The following C16orf96 variants were observed in gnomAD, a reference collection of about 807,000 sequenced individuals.
C16orf96 encodes the protein uncharacterized protein C16orf96.
Under a neutral mutation model 103.6 loss-of-function variants are expected in C16orf96, and 108 were observed. The ratio of observed to expected loss-of-function variants is 1.04; its 90% CI spans 0.89 to 1.22. C16orf96 has a LOEUF of 1.22. Ranked by LOEUF, C16orf96 falls within the 50% of genes most tolerant of loss-of-function variation. The pLI is 0.00. For synonymous variants in C16orf96, 566 were observed against 593.5 expected, an observed-to-expected ratio of 0.95 and a Z score of 0.67; for missense variants, 1,586 against 1,464.2, an observed-to-expected ratio of 1.08 and a Z score of -1.36.
Position 4,556,439 on chromosome 16 carries a change from T to A in C16orf96, c.-51T>A. On this transcript the variant is annotated 5_prime_UTR_variant, in exon 1 of 16. In the 5' UTR this introduces an upstream ATG that the reference lacks. Transcript: ENST00000444310. ...TCTCGGAACCACTGAAAGCTACCCCTTGTCCTTGAGGACACCTGGAACCCC... is the reference window on the plus strand; with the variant it reads ...TCTCGGAACCACTGAAAGCTACCCCATGTCCTTGAGGACACCTGGAACCCC... The A allele has an allele frequency of 6.8e-7, 1 of 1,471,494 alleles. No individual in the cohort carries two copies. The highest frequency in any genetic ancestry group is 9.1e-7 in the Non-Finnish European group (1 of 1,103,342). The allele number at this position is 1,471,494 out of a possible 1,614,324, so 91.2% of individuals were successfully genotyped here.
At chr16:4,547,514 T>G in the C16orf96 span, among the ~76,000 whole-genome samples, 4 of 152,082 alleles carry the variant, frequency 2.6e-5, no homozygotes, top group African/African-American at 9.7e-5. Context: ...GAAAATAGAT[T>G]AGTGGTTACC....
At chr16:4,579,959 C>T (rs969823545) in intron 6 of C16orf96, 56 bp from the exon 7 acceptor site, 27 of 1,446,262 alleles carry the variant, frequency 1.9e-5, no homozygotes, top group South Asian at 2.4e-5. Flanking sequence ...GGCCCCTTCC[C>T]GGCCATGGTA....
intron 15 of C16orf96, 127 bp from the exon 16 acceptor site, chr16:4,599,973 G>A (rs1034702135): frequency 1.0e-5 from 10 of 967,822 alleles, no homozygotes; most frequent in Admixed American, 7.7e-5. Context: ...GTGCCCAGCC[G>A]GCCATGGCCT....
the C16orf96 span, among the ~76,000 whole-genome samples, chr16:4,541,761 G>C: frequency 1.3e-5 from 2 of 152,194 alleles, no homozygotes; most frequent in Admixed American, 6.6e-5. Flanking sequence ...AGAGAAAACA[G>C]CTGTGCTCAG....
At chr16:4,566,094 C>T (rs760989903) in intron 1 of C16orf96, among the ~76,000 whole-genome samples, 1 of 152,210 alleles carries the variant, frequency 6.6e-6, no homozygotes, top group Non-Finnish European at 1.5e-5. Context: ...CACTCTTCCA[C>T]CTTGGCCTCC....
intron 1 of C16orf96, among the ~76,000 whole-genome samples, chr16:4,559,337 GT>G (rs1265650474): frequency 2.0e-5 from 3 of 152,004 alleles, no homozygotes; most frequent in Non-Finnish European, 4.4e-5. Context: ...GAGGTCAGGA[GT>G]TCGTGACCAG....
At chr16:4,563,211 G>A in intron 1 of C16orf96, 4 of 596,664 alleles carry the variant, frequency 6.7e-6, no homozygotes, top group South Asian at 4.6e-5. Context: ...CTCGGCTCTA[G>A]CAGTGGAACA....
chr16:4,574,636 C>T, intron 2 of C16orf96, 73 bp from the exon 3 acceptor site: 4 of 1,250,482 alleles, frequency 3.2e-6, no homozygotes, highest in Non-Finnish European at 4.6e-6. Context: ...TCTTAGTCAC[C>T]TAGAGCCACG....
At chr16:4,569,846 C>T (rs968850157) in intron 1 of C16orf96, among the ~76,000 whole-genome samples, 1 of 152,138 alleles carries the variant, frequency 6.6e-6, no homozygotes, top group African/African-American at 2.4e-5. Context: ...CACCTGGGAA[C>T]TTCCACTCTC....
At chr16:4,560,653 A>G (rs1253380455) in intron 1 of C16orf96, 1 of 152,114 alleles carries the variant, frequency 6.6e-6, no homozygotes, top group Non-Finnish European at 1.5e-5. Flanking sequence ...TTAAGATTCA[A>G]AGACACAAAT....
At chr16:4,573,737 G>T (rs562825949) in intron 2 of C16orf96, among the ~76,000 whole-genome samples, 354 of 140,816 alleles carry the variant, frequency 2.5e-3, no homozygotes, top group African/African-American at 9.0e-3. Flanking sequence ...GGGCAACAGA[G>T]TGAGACTCTG....
upstream of C16orf96, among the ~76,000 whole-genome samples, chr16:4,552,461 G>C (rs143139053): frequency 5.0e-4 from 69 of 139,174 alleles, 1 homozygote; most frequent in East Asian, 0.011. Flanking sequence ...CAGCCTGGGC[G>C]ACAGTGTTAG....
chr16:4,585,755 C>T (rs1281291696), intron 7 of C16orf96, among the ~76,000 whole-genome samples: 2 of 152,172 alleles, frequency 1.3e-5, no homozygotes, highest in Non-Finnish European at 2.9e-5. Flanking sequence ...CTCGCCTCTC[C>T]CAGCTTCTGG....
chr16:4,581,723 T>A (rs898057419), intron 7 of C16orf96, among the ~76,000 whole-genome samples: 1 of 151,942 alleles, frequency 6.6e-6, no homozygotes, highest in Non-Finnish European at 1.5e-5. Flanking sequence ...CTTAAACCTG[T>A]AATGAGGGAG....
At chr16:4,549,329 C>T in the C16orf96 span, among the ~76,000 whole-genome samples, 2 of 151,946 alleles carry the variant, frequency 1.3e-5, no homozygotes, top group Admixed American at 6.6e-5. Context: ...AAAAATTAGC[C>T]AGGCGTGGTG....
chr16:4,581,612 G>A (rs371413452), intron 7 of C16orf96, among the ~76,000 whole-genome samples: 4 of 151,804 alleles, frequency 2.6e-5, no homozygotes, highest in East Asian at 1.9e-4. Flanking sequence ...CAGCCTGGGC[G>A]ACAGAGCAAG....
At chr16:4,587,779 TA>T (rs1451702613) in intron 8 of C16orf96, among the ~76,000 whole-genome samples, 2 of 151,224 alleles carry the variant, frequency 1.3e-5, no homozygotes, top group Non-Finnish European at 2.9e-5. Context: ...TACAAAAAAA[TA>T]AAAAAATGAA....
chr16:4,552,430 C>T (rs1224696706), upstream of C16orf96, among the ~76,000 whole-genome samples: 1 of 146,722 alleles, frequency 6.8e-6, no homozygotes, highest in Admixed American at 7.0e-5. Context: ...TGCGGTGAGC[C>T]GAGATCGCGC....
chr16:4,574,825 C>G (rs773486913), intron 3 of C16orf96, 36 bp downstream of exon 3: 40 of 1,546,362 alleles, frequency 2.6e-5, no homozygotes, highest in Non-Finnish European at 3.2e-5. Flanking sequence ...CCCACTCCCC[C>G]TGGGACCCCC....
Sources: allele counts gnomAD v4.1 joint callset (sites outside exome capture counted in the v4.1 genomes callset), GRCh38; gene constraint gnomAD v4.1.1; transcripts MANE v1.5; gene names NCBI Gene and HGNC (gene_info 2026-07-23, HGNC 2026-07-21).